The following NXPE4 variants were observed in gnomAD, a reference collection of about 807,000 sequenced individuals.
The protein encoded by NXPE4 is neurexophilin and PC-esterase domain family member 4, also known as NXPE family member 4.
NXPE4 carries 42 observed loss-of-function variants against 33.3 expected under a neutral mutation model. The ratio of observed to expected loss-of-function variants is 1.26; its 90% CI spans 0.98 to 1.63. The LOEUF is 1.63. NXPE4 is among the 40% of genes most tolerant of loss of function. The pLI is 0.00. For missense variants in NXPE4, 709 were observed against 647.6 expected (o/e 1.09, Z -1.03); for synonymous variants, 253 against 234.9 (o/e 1.08, Z -0.71).
the NXPE4 span, among the ~76,000 whole-genome samples, chr11:114,628,019 G>A: frequency 6.6e-6 from 1 of 151,486 alleles, no homozygotes; most frequent in Admixed American, 6.6e-5. Flanking sequence ...GATTCATAAA[G>A]CAAGTCCTGA....
the NXPE4 span, among the ~76,000 whole-genome samples, chr11:114,617,946 C>T: frequency 6.6e-6 from 1 of 151,908 alleles, no homozygotes; most frequent in Non-Finnish European, 1.5e-5. Flanking sequence ...ATAAGTATTG[C>T]CTCGTGGGAA....
At chr11:114,583,327 A>G (rs762692087) in intron 2 of NXPE4, 16 of 623,800 alleles carry the variant, frequency 2.6e-5, no homozygotes, top group Non-Finnish European at 4.2e-5. Context: ...ACTATTATGG[A>G]CAAGCCCACC....
In NXPE4 at chr11:114,578,675, C is replaced by A. The variant is rs115749444; in HGVS notation, c.1099+1457G>T. Among the ~76,000 whole-genome samples, 780 of 152,314 alleles carry A rather than the reference C, an allele frequency of 5.1e-3. 10 individuals are homozygous for A. Among genetic ancestry groups the A allele is most frequent in the African/African-American group, 0.018 (746 of 41,574 alleles). ...GGCCAGGATGGAGCCACAGCTACTG[C>A]AATTCTCTCAGTGATGAGAGCCAGG... On this transcript the variant is annotated intron_variant, in intron 5 of 5. Transcript: ENST00000375478.
the NXPE4 span, among the ~76,000 whole-genome samples, chr11:114,613,855 C>A: frequency 1.3e-4 from 19 of 151,510 alleles, no homozygotes; most frequent in Non-Finnish European, 2.4e-4. Flanking sequence ...TACGTATTGC[C>A]TAATAGGTAA....
the NXPE4 span, among the ~76,000 whole-genome samples, chr11:114,601,612 A>G: frequency 4.8e-4 from 1 of 2,082 alleles, no homozygotes; most frequent in South Asian, 0.011. Flanking sequence ...ATTATATATA[A>G]TTATATATTA....
At chr11:114,602,389 T>C in the NXPE4 span, among the ~76,000 whole-genome samples, 7 of 128,810 alleles carry the variant, frequency 5.4e-5, no homozygotes, top group African/African-American at 2.0e-4. Context: ...TATTATGCTA[T>C]ATATTATATA....
At chr11:114,647,793 C>G in the NXPE4 span, among the ~76,000 whole-genome samples, 1 of 152,034 alleles carries the variant, frequency 6.6e-6, no homozygotes, top group Admixed American at 6.6e-5. Context: ...CCTCTTCCCC[C>G]TGGGTTTAAG....
the NXPE4 span, among the ~76,000 whole-genome samples, chr11:114,619,844 C>A: frequency 6.6e-6 from 1 of 151,504 alleles, no homozygotes; most frequent in Non-Finnish European, 1.5e-5. Flanking sequence ...TCGTTGGTAA[C>A]CAGTGTTACC....
chr11:114,665,014 G>A, the NXPE4 span, among the ~76,000 whole-genome samples: 1 of 152,114 alleles, frequency 6.6e-6, no homozygotes, highest in Non-Finnish European at 1.5e-5. Flanking sequence ...AACTTATGAT[G>A]GGTTTAATGG....
chr11:114,591,692 C>A (rs1276242664), intron 2 of NXPE4, among the ~76,000 whole-genome samples: 2 of 152,066 alleles, frequency 1.3e-5, no homozygotes, highest in African/African-American at 4.8e-5. Flanking sequence ...AATGGAAAGT[C>A]CTTAAAATCC....
upstream of NXPE4, among the ~76,000 whole-genome samples, chr11:114,596,322 C>T (rs527574692): frequency 2.6e-5 from 4 of 152,288 alleles, no homozygotes; most frequent in South Asian, 8.3e-4. Flanking sequence ...GAAAACAGTG[C>T]TGGAAAGAGC....
At chr11:114,636,927 A>T in the NXPE4 span, among the ~76,000 whole-genome samples, 1 of 152,110 alleles carries the variant, frequency 6.6e-6, no homozygotes, top group Non-Finnish European at 1.5e-5. Context: ...TGCTGAAAAA[A>T]ATGTATATTC....
the NXPE4 span, among the ~76,000 whole-genome samples, chr11:114,644,852 T>C: frequency 1.3e-5 from 2 of 151,906 alleles, no homozygotes; most frequent in Non-Finnish European, 2.9e-5. Flanking sequence ...ATTAAGACAG[T>C]GTAGCATTTG....
upstream of NXPE4, among the ~76,000 whole-genome samples, chr11:114,598,426 G>T (rs1036094545): frequency 1.3e-5 from 2 of 152,224 alleles, no homozygotes; most frequent in African/African-American, 4.8e-5. Context: ...CTGTGTGGGG[G>T]CTCCAGCCCC....
At chr11:114,593,049 T>A (rs1215348729) in intron 2 of NXPE4, among the ~76,000 whole-genome samples, 1 of 152,148 alleles carries the variant, frequency 6.6e-6, no homozygotes. Flanking sequence ...AAGACTGATA[T>A]GCATGACCCA....
chr11:114,631,416 C>A, the NXPE4 span, among the ~76,000 whole-genome samples: 1 of 150,684 alleles, frequency 6.6e-6, no homozygotes, highest in Non-Finnish European at 1.5e-5. Flanking sequence ...AGTAAACTAT[C>A]GCAAGAACAA....
the NXPE4 span, among the ~76,000 whole-genome samples, chr11:114,632,606 T>C: frequency 9.7e-6 from 1 of 103,402 alleles, no homozygotes; most frequent in Non-Finnish European, 1.7e-5. Flanking sequence ...TGTATATATT[T>C]ATATTTTATA....
At chr11:114,632,399 A>G in the NXPE4 span, among the ~76,000 whole-genome samples, 28 of 133,122 alleles carry the variant, frequency 2.1e-4, no homozygotes, top group African/African-American at 3.8e-4. Flanking sequence ...AAATATAAAT[A>G]TACATATATA....
chr11:114,638,050 G>A, the NXPE4 span, among the ~76,000 whole-genome samples: 2 of 151,582 alleles, frequency 1.3e-5, no homozygotes, highest in South Asian at 4.2e-4. Flanking sequence ...ATAATATCCT[G>A]CAGAGTGTTT....
Sources: gnomAD v4.1 joint callset for allele counts (sites outside exome capture counted in the v4.1 genomes callset) on GRCh38, gnomAD v4.1.1 for gene constraint, MANE v1.5 for transcripts, NCBI Gene and HGNC (gene_info 2026-07-23, HGNC 2026-07-21) for gene names.